UVRAG: variants seen among roughly 807,000 people sequenced by gnomAD.
UVRAG encodes UV radiation resistance-associated gene protein.
In UVRAG, 19 loss-of-function variants were observed where a neutral mutation model predicts 78.0. That is an observed-to-expected ratio of 0.24 (90% CI 0.17 to 0.36). The LOEUF is 0.36. Ranked by LOEUF, UVRAG falls within the 10% of genes least tolerant of loss-of-function variation. UVRAG has a pLI of 1.00. For missense variants in UVRAG, 740 were observed against 853.8 expected, an observed-to-expected ratio of 0.87 and a Z score of 1.66; for synonymous variants, 323 against 324.6, an observed-to-expected ratio of 1.00 and a Z score of 0.05.
chr11:75,936,731 A>T (rs1306984088), intron 6 of UVRAG, among the ~76,000 whole-genome samples: 1 of 152,100 alleles, frequency 6.6e-6, no homozygotes, highest in African/African-American at 2.4e-5. Flanking sequence ...GTTTTGTTTT[A>T]GTACAGAATA....
At chr11:76,044,989 T>G (rs950499970) in intron 12 of UVRAG, among the ~76,000 whole-genome samples, 49 of 151,902 alleles carry the variant, frequency 3.2e-4, no homozygotes, top group African/African-American at 1.1e-3. Flanking sequence ...GCTGCAGAAG[T>G]CCAGAAAGTC....
chr11:75,915,442 C>A (rs1947829349), intron 6 of UVRAG, among the ~76,000 whole-genome samples: 2 of 152,156 alleles, frequency 1.3e-5, no homozygotes, highest in East Asian at 1.9e-4. Context: ...TCCTTCTTAA[C>A]TCTTGGAAAT....
At chr11:75,946,624 G>A (rs1948593821) in intron 6 of UVRAG, among the ~76,000 whole-genome samples, 1 of 152,144 alleles carries the variant, frequency 6.6e-6, no homozygotes, top group South Asian at 2.1e-4. Context: ...AAGCTCCCAT[G>A]GTTTTTGGCA....
At chr11:75,977,356 G>T (rs189691238) in intron 7 of UVRAG, among the ~76,000 whole-genome samples, 26 of 152,326 alleles carry the variant, frequency 1.7e-4, no homozygotes, top group African/African-American at 6.0e-4. Context: ...TTGATTTGGG[G>T]TGGAGAGTTC....
At chr11:75,946,116 T>G (rs1948584117) in intron 6 of UVRAG, among the ~76,000 whole-genome samples, 1 of 152,170 alleles carries the variant, frequency 6.6e-6, no homozygotes, top group African/African-American at 2.4e-5. Context: ...ATTTAGGCCT[T>G]CAATAAATGT....
chr11:75,902,117 T>C (rs568021545), intron 5 of UVRAG, among the ~76,000 whole-genome samples: 1 of 152,354 alleles, frequency 6.6e-6, no homozygotes, highest in African/African-American at 2.4e-5. Flanking sequence ...CAGTACATTC[T>C]TGTCAAATGA....
chr11:76,028,622 T>A (rs181527523), intron 12 of UVRAG, among the ~76,000 whole-genome samples: 1 of 152,036 alleles, frequency 6.6e-6, no homozygotes, highest in Non-Finnish European at 1.5e-5. Flanking sequence ...GTGGTCTGGA[T>A]AAAAAAGTCA....
At chr11:75,968,601 G>C (rs921802862) in intron 7 of UVRAG, among the ~76,000 whole-genome samples, 1 of 152,158 alleles carries the variant, frequency 6.6e-6, no homozygotes, top group African/African-American at 2.4e-5. Context: ...GTAGTATTTA[G>C]ATTAACTTGT....
At position 76,128,037 on chromosome 11, in the gene UVRAG, A is replaced by C. The variant is rs538104797; in HGVS notation, c.1397+12022A>C. ...TGGAGAGGGAATTAGTACAAAAGCC[A>C]CTGAGATAGGCACACTAAAAAAGCA... On this transcript the variant is annotated intron_variant, in intron 14 of 14. Coordinates refer to ENST00000356136, the MANE Select transcript of UVRAG (RefSeq NM_003369.4). 2.0e-5 allele frequency among the ~76,000 whole-genome samples: 3 copies of C among 152,282 alleles called. No individual in the cohort carries two copies. The South Asian group carries it at 6.2e-4, about 32-fold the overall frequency.
chr11:75,984,279 T>G (rs143470504), intron 8 of UVRAG, among the ~76,000 whole-genome samples: 87 of 152,256 alleles, frequency 5.7e-4, no homozygotes, highest in African/African-American at 1.9e-3. Flanking sequence ...GTTGCTAGTG[T>G]TTTTTGGATA....
At chr11:75,963,875 G>C (rs1484663785) in intron 7 of UVRAG, among the ~76,000 whole-genome samples, 2 of 152,114 alleles carry the variant, frequency 1.3e-5, no homozygotes, top group Non-Finnish European at 2.9e-5. Flanking sequence ...TGTCTGGGCT[G>C]CTCTTGAACT....
intron 12 of UVRAG, among the ~76,000 whole-genome samples, chr11:76,050,848 A>G (rs1178176362): frequency 6.6e-6 from 1 of 152,162 alleles, no homozygotes; most frequent in African/African-American, 2.4e-5. Context: ...AGAGTTTTGG[A>G]AACAATTTCA....
intron 1 of UVRAG, among the ~76,000 whole-genome samples, chr11:75,837,118 A>T (rs577331552): frequency 6.6e-6 from 1 of 151,890 alleles, no homozygotes; most frequent in South Asian, 2.1e-4. Flanking sequence ...TCCTGAGGTC[A>T]GGAGATCAAG....
intron 8 of UVRAG, among the ~76,000 whole-genome samples, chr11:75,990,090 G>A (rs1949576496): frequency 6.6e-6 from 1 of 152,202 alleles, no homozygotes; most frequent in African/African-American, 2.4e-5. Flanking sequence ...AATAAAGTAA[G>A]TCATTTTTAG....
At chr11:75,822,874 C>A (rs11605679) in intron 1 of UVRAG, among the ~76,000 whole-genome samples, 3 of 151,840 alleles carry the variant, frequency 2.0e-5, no homozygotes, top group Non-Finnish European at 4.4e-5. Flanking sequence ...TAGGCATGAT[C>A]AATTATTAAG....
chr11:75,825,762 T>A (rs1305484810), intron 1 of UVRAG, among the ~76,000 whole-genome samples: 3 of 152,190 alleles, frequency 2.0e-5, no homozygotes, highest in Non-Finnish European at 4.4e-5. Context: ...TTGTTCCTGC[T>A]TGTGGCAGAG....
intron 8 of UVRAG, among the ~76,000 whole-genome samples, chr11:75,992,094 G>A (rs1949618864): frequency 6.6e-6 from 1 of 152,100 alleles, no homozygotes; most frequent in African/African-American, 2.4e-5. Flanking sequence ...TGCAGATGAG[G>A]ATGATTTGTC....
intron 12 of UVRAG, among the ~76,000 whole-genome samples, chr11:76,017,902 A>G (rs1330112561): frequency 1.3e-5 from 2 of 152,336 alleles, no homozygotes; most frequent in East Asian, 3.9e-4. Flanking sequence ...AATAAAAATA[A>G]TTTCAAAAAG....
intron 14 of UVRAG, chr11:76,137,490 A>G (rs2134511627): frequency 2.2e-6 from 1 of 456,060 alleles, no homozygotes; most frequent in South Asian, 1.5e-5. Flanking sequence ...GAAAGGTTAA[A>G]TCTCATAGAA....
Sources: gnomAD v4.1 joint callset for allele counts (sites outside exome capture counted in the v4.1 genomes callset) on GRCh38, gnomAD v4.1.1 for gene constraint, MANE v1.5 for transcripts, NCBI Gene and HGNC (gene_info 2026-07-23, HGNC 2026-07-21) for gene names.